MCOLN2: variants seen among roughly 807,000 people sequenced by gnomAD.
The protein encoded by MCOLN2 is mucolipin TRP cation channel 2.
Under a neutral mutation model 67.5 loss-of-function variants are expected in MCOLN2, and 57 were observed. The observed-to-expected ratio is 0.84, with a 90% CI of 0.68 to 1.05. MCOLN2 has a LOEUF of 1.05. Among genes scored for constraint, MCOLN2 ranks in the 50% least tolerant of loss-of-function variants. MCOLN2 has a pLI of 0.00. For synonymous variants in MCOLN2, 246 were observed against 233.3 expected (o/e 1.05, Z -0.50); for missense variants, 620 against 678.8 (o/e 0.91, Z 0.96).
At chr1:84,952,596 G>T in intron 4 of MCOLN2, 66 bp from the exon 5 acceptor site, 1 of 998,922 alleles carries the variant, frequency 1.0e-6, no homozygotes, top group South Asian at 1.3e-5. Context: ...ACTAATGGGT[G>T]AAAGTGTGAC....
chr1:84,972,871 A>G (rs1341575647), intron 1 of MCOLN2, among the ~76,000 whole-genome samples: 1 of 152,172 alleles, frequency 6.6e-6, no homozygotes, highest in African/African-American at 2.4e-5. Flanking sequence ...CCCCAGGAAA[A>G]TGAATACACC....
chr1:84,987,176 ATATCTATCTATC>A (rs79075979), intron 1 of MCOLN2, among the ~76,000 whole-genome samples: 22 of 125,802 alleles, frequency 1.7e-4, no homozygotes, highest in South Asian at 8.0e-4. Flanking sequence ...ATATATAGGC[ATATCTATCTATC>A]TATCTATCTA....
intron 1 of MCOLN2, among the ~76,000 whole-genome samples, chr1:84,986,075 G>A (rs542095317): frequency 9.2e-5 from 14 of 152,218 alleles, no homozygotes; most frequent in African/African-American, 3.1e-4. Context: ...AAACAGCATG[G>A]TACTGATATA....
chr1:84,970,280 C>T (rs558410749), intron 1 of MCOLN2, among the ~76,000 whole-genome samples: 51 of 150,340 alleles, frequency 3.4e-4, no homozygotes, highest in South Asian at 1.5e-3. Flanking sequence ...CCCCAACACA[C>T]ACACACACAG....
chr1:84,926,632 C>G lies in MCOLN2; in HGVS notation c.*53G>C. 1 of 1,425,214 alleles carries G rather than the reference C, an allele frequency of 7.0e-7. No homozygotes were observed. Among genetic ancestry groups the G allele is most frequent in the Non-Finnish European group, 9.6e-7 (1 of 1,042,552 alleles). The allele number at this position is 1,425,214 out of a possible 1,614,324, so 88.3% of individuals were successfully genotyped here. ...CTTGTCCAAGTCATTTGGGGTTCCT[C>G]TGCTCAGCCGCTGGATAAGGATGCC... is the stretch of plus-strand genomic sequence containing the variant. On this transcript the variant is annotated 3_prime_UTR_variant, in exon 14 of 14. Transcript: ENST00000370608.
chr1:84,948,676 C>A (rs907524735), intron 6 of MCOLN2, among the ~76,000 whole-genome samples: 7 of 152,134 alleles, frequency 4.6e-5, no homozygotes, highest in Admixed American at 1.3e-4. Flanking sequence ...ACAAACAATT[C>A]AATGAAACCA....
At chr1:84,937,681 A>G in intron 11 of MCOLN2, 74 bp downstream of exon 11, 1 of 1,584,430 alleles carries the variant, frequency 6.3e-7, no homozygotes, top group Non-Finnish European at 8.6e-7. Context: ...ACCAGGAAGC[A>G]AGTAAGTGCT....
At chr1:84,927,044 G>T (rs1661196358) in intron 13 of MCOLN2, among the ~76,000 whole-genome samples, 2 of 151,870 alleles carry the variant, frequency 1.3e-5, no homozygotes, top group African/African-American at 4.8e-5. Flanking sequence ...AAATGTTGGG[G>T]GGTAGGGGGA....
At chr1:84,942,746 GCCCTCATAAATGGAT>G (rs1647863840) in intron 7 of MCOLN2, among the ~76,000 whole-genome samples, 1 of 152,136 alleles carries the variant, frequency 6.6e-6, no homozygotes, top group Non-Finnish European at 1.5e-5. Context: ...TGAGGTCTCT[GCCCTCATAAATGGAT>G]TAATCCACTC....
At chr1:84,948,791 A>C (rs1157323586) in intron 6 of MCOLN2, among the ~76,000 whole-genome samples, 1 of 152,254 alleles carries the variant, frequency 6.6e-6, no homozygotes, top group African/African-American at 2.4e-5. Flanking sequence ...GTGAAATTAA[A>C]AAATTACAAT....
chr1:84,995,641 C>G (rs1379005870), intron 1 of MCOLN2, among the ~76,000 whole-genome samples: 1 of 152,070 alleles, frequency 6.6e-6, no homozygotes, highest in Non-Finnish European at 1.5e-5. Context: ...TTGTCTTGTT[C>G]TAGGTTTCAC....
At position 84,940,936 on chromosome 1, in the gene MCOLN2, G is replaced by A. The variant is rs768730679; in HGVS notation, c.903C>T (p.Cys301=). ...TTGTACACAGAATAAGAGATGCCAAGCAAATCACAATGACAAATGCATCAA... is the reference window on the plus strand; with the variant it reads ...TTGTACACAGAATAAGAGATGCCAAACAAATCACAATGACAAATGCATCAA... ...LVFDAFVIVI[C]LASLILCTRS... The change falls in exon 8 of 14, where the codon TGC becomes TGT. Residue 301 remains cysteine (C), a synonymous_variant. Transcript: ENST00000370608. 2.5e-6 allele frequency: 4 copies of A among 1,613,760 alleles called. No homozygotes were observed. Among genetic ancestry groups the A allele is most frequent in the Non-Finnish European group, 2.5e-6 (3 of 1,179,830 alleles).
intron 12 of MCOLN2, chr1:84,929,882 A>G (rs1450533887): frequency 7.9e-6 from 3 of 378,756 alleles, no homozygotes; most frequent in Admixed American, 4.3e-5. Flanking sequence ...AGAACAATCC[A>G]AAGAAAAACT....
At chr1:84,949,364 C>T (rs763552990) in intron 6 of MCOLN2, among the ~76,000 whole-genome samples, 6 of 151,916 alleles carry the variant, frequency 3.9e-5, no homozygotes, top group African/African-American at 1.2e-4. Flanking sequence ...ATAGGCCGGG[C>T]GCGGTGGCTC....
intron 6 of MCOLN2, among the ~76,000 whole-genome samples, chr1:84,949,778 G>A (rs956518331): frequency 1.3e-5 from 2 of 151,728 alleles, no homozygotes; most frequent in East Asian, 1.9e-4. Context: ...ATATTCAAAG[G>A]GTTTAAAGAA....
chr1:84,966,702 A>C (rs1427161692), intron 1 of MCOLN2, among the ~76,000 whole-genome samples: 2 of 152,168 alleles, frequency 1.3e-5, no homozygotes, highest in Admixed American at 6.5e-5. Context: ...TATATTAATA[A>C]AATTTTGCTT....
At chr1:84,995,997 A>G (rs2102899485) in intron 1 of MCOLN2, among the ~76,000 whole-genome samples, 1 of 152,244 alleles carries the variant, frequency 6.6e-6, no homozygotes, top group Admixed American at 6.5e-5. Context: ...GGTTTTCTAA[A>G]GGAGAAGGGT....
chr1:84,964,127 C>T (rs1192979094), intron 2 of MCOLN2, among the ~76,000 whole-genome samples: 1 of 152,146 alleles, frequency 6.6e-6, no homozygotes, highest in Non-Finnish European at 1.5e-5. Flanking sequence ...AATAAGCATA[C>T]ACATTTAACA....
chr1:84,953,164 G>A (rs1212186985), intron 4 of MCOLN2, among the ~76,000 whole-genome samples: 1 of 152,142 alleles, frequency 6.6e-6, no homozygotes, highest in East Asian at 1.9e-4. Flanking sequence ...TTGGGGAAAT[G>A]CACACTGAAG....
Sources: allele counts gnomAD v4.1 joint callset (sites outside exome capture counted in the v4.1 genomes callset), GRCh38; gene constraint gnomAD v4.1.1; transcripts MANE v1.5; gene names NCBI Gene and HGNC (gene_info 2026-07-23, HGNC 2026-07-21).